Variants in TBC1D32 observed in about 807,000 individuals in gnomAD.
The protein encoded by TBC1D32 is protein broad-minded.
A neutral mutation model predicts 170.3 loss-of-function variants in TBC1D32; 151 were observed. That is an observed-to-expected ratio of 0.89 (90% CI 0.78 to 1.01). The LOEUF is 1.01. Ranked by LOEUF, TBC1D32 falls within the 50% of genes least tolerant of loss-of-function variation. The pLI, the probability that TBC1D32 is intolerant of heterozygous loss-of-function variation, is 0.00. For missense variants in TBC1D32, 1,464 were observed against 1,457.1 expected, an observed-to-expected ratio of 1.00 and a Z score of -0.08; for synonymous variants, 498 against 488.0, an observed-to-expected ratio of 1.02 and a Z score of -0.27.
intron 31 of TBC1D32, among the ~76,000 whole-genome samples, chr6:121,088,093 G>A (rs1216547369): frequency 6.6e-6 from 1 of 151,698 alleles, no homozygotes; most frequent in Non-Finnish European, 1.5e-5. Context: ...TGGGACTATA[G>A]GTGTGTGCCA....
rs550930727 is a variant in TBC1D32, at chr6:121,238,515, G to A, written c.2364+555C>T. On this transcript the variant is annotated intron_variant, in intron 20 of 31. Transcript: ENST00000398212. ...TTGTCTAAGCTACCATACAATCAAA[G>A]TTAGGAATCGTCACTTTATTTTAGT... Among the ~76,000 whole-genome samples the A allele has an allele frequency of 2.6e-5, 4 of 152,208 alleles. No homozygotes were observed. The East Asian group carries it at 7.7e-4, about 29-fold the overall frequency.
In TBC1D32 at chr6:121,300,577, A is replaced by AT. The variant is rs1371263728; in HGVS notation, c.1081-1073dup. 2.0e-5 allele frequency among the ~76,000 whole-genome samples: 3 copies of AT among 152,340 alleles called. No homozygotes were observed. In the East Asian group the frequency reaches 5.8e-4, roughly 29 times the overall value. ...AGACTTAAACATAAGCTCTAAAACC[A>AT]TAAAAACCCTAGAAGAAAACCTAGG... is the stretch of plus-strand genomic sequence containing the variant. On this transcript the variant is annotated intron_variant, in intron 9 of 31. Transcript: ENST00000398212.
chr6:121,239,832 G>C (rs1395227947), intron 19 of TBC1D32, among the ~76,000 whole-genome samples: 1 of 152,062 alleles, frequency 6.6e-6, no homozygotes, highest in Admixed American at 6.6e-5. Context: ...ATGTGGAAAA[G>C]TGTCAAACAC....
At chr6:121,246,577 T>C (rs1380839242) in intron 17 of TBC1D32, among the ~76,000 whole-genome samples, 1 of 151,786 alleles carries the variant, frequency 6.6e-6, no homozygotes, top group Non-Finnish European at 1.5e-5. Flanking sequence ...AGGTTGACTA[T>C]TAAGCTACTC....
intron 22 of TBC1D32, among the ~76,000 whole-genome samples, chr6:121,186,338 T>C (rs879518664): frequency 4.6e-5 from 7 of 152,004 alleles, no homozygotes; most frequent in Non-Finnish European, 7.4e-5. Flanking sequence ...AGTACTGCCA[T>C]ATCTAGTGGT....
intron 21 of TBC1D32, among the ~76,000 whole-genome samples, chr6:121,213,570 C>G (rs1488540889): frequency 1.4e-5 from 2 of 138,990 alleles, no homozygotes; most frequent in Non-Finnish European, 3.2e-5. Context: ...AAATAAAATA[C>G]CTAGGAATAC....
chr6:121,182,881 AT>A (rs1452890929), intron 22 of TBC1D32, among the ~76,000 whole-genome samples: 1 of 152,120 alleles, frequency 6.6e-6, no homozygotes, highest in Non-Finnish European at 1.5e-5. Context: ...TTAAATCCAA[AT>A]TAACAGGTAA....
In TBC1D32 at chr6:121,223,383, A is replaced by G. The variant is rs769141123; in HGVS notation, c.2365-31T>C. 9 of 1,454,864 alleles carry G rather than the reference A, an allele frequency of 6.2e-6. No individual in the cohort carries two copies. The Middle Eastern group carries it at 1.4e-3, about 224-fold the overall frequency. The allele number at this position is 1,454,864 out of a possible 1,614,324, so 90.1% of individuals were successfully genotyped here. A position where few individuals can be genotyped will look rare whatever the true frequency, so the allele number is the denominator to read the frequency against. On this transcript the variant is annotated intron_variant, in intron 20 of 31. Coordinates refer to ENST00000398212, the MANE Select transcript of TBC1D32 (RefSeq NM_152730.6). ...GGGAAAGAAAACAGTCATTTAAATG[A>G]TTCACTTTTGTCAACCACATCCATG...
intron 5 of TBC1D32, among the ~76,000 whole-genome samples, chr6:121,305,853 C>A (rs1807248362): frequency 6.6e-6 from 1 of 152,038 alleles, no homozygotes; most frequent in Non-Finnish European, 1.5e-5. Context: ...TTGTTTTCTA[C>A]TTCAAAATGA....
Position 121,256,084 on chromosome 6 carries a change from C to G in TBC1D32, c.1935G>C (p.Lys645Asn), listed in dbSNP as rs778788123. The G allele has an allele frequency of 4.4e-6, 7 of 1,604,468 alleles. No homozygotes were observed. Among genetic ancestry groups the G allele is most frequent in the Non-Finnish European group, 5.1e-6 (6 of 1,177,750 alleles). ...LHESIAKAWKKTSLLSERIPT... is the reference protein window; with the variant it reads ...LHESIAKAWKNTSLLSERIPT... ...AAAAACGAAGCTTGAAAATACTTAC[C>G]TTTTTCCATGCCTTTGCTATAGATT... is the stretch of plus-strand genomic sequence containing the variant. Residue 645 changes from lysine (K) to asparagine (N), a missense_variant and splice_region_variant, in exon 16 of 32, where the codon AAG (lysine) becomes AAC (asparagine). Lys to Asn is a moderately conservative substitution (Grantham distance 94). Around this residue, in one of 3 missense-constraint regions of TBC1D32, gnomAD observed 1,363 missense variants for 1,338.1 expected, o/e 1.02. Coordinates refer to ENST00000398212, the MANE Select transcript of TBC1D32 (RefSeq NM_152730.6).
chr6:121,169,532 A>T (rs544656884), intron 22 of TBC1D32, among the ~76,000 whole-genome samples: 6 of 152,312 alleles, frequency 3.9e-5, no homozygotes, highest in Admixed American at 1.3e-4. Context: ...TTCCTTGATA[A>T]ATTTTACTGC....
Position 121,189,508 on chromosome 6 carries a change from ATATGT to A in TBC1D32, c.2570+15562_2570+15566del, listed in dbSNP as rs1006103308. On this transcript the variant is annotated intron_variant, in intron 22 of 31. Coordinates refer to ENST00000398212, the MANE Select transcript of TBC1D32 (RefSeq NM_152730.6). ...TGACCCTATAAACGTTTATATGTTT[ATATGT>A]TATATCTATATATTATAAAATGTAA... 1.7e-3 allele frequency among the ~76,000 whole-genome samples: 254 copies of A among 151,330 alleles called. 2 individuals carry two copies. Among genetic ancestry groups the A allele is most frequent in the African/African-American group, 5.9e-3 (245 of 41,382 alleles).
At chr6:121,176,813 G>C (rs774733470) in intron 22 of TBC1D32, among the ~76,000 whole-genome samples, 1 of 152,164 alleles carries the variant, frequency 6.6e-6, no homozygotes, top group Non-Finnish European at 1.5e-5. Context: ...TGGCCAGGCT[G>C]ATCTCAAACT....
At chr6:121,117,527 C>T (rs1025191638) in intron 26 of TBC1D32, among the ~76,000 whole-genome samples, 1 of 151,924 alleles carries the variant, frequency 6.6e-6, no homozygotes, top group African/African-American at 2.4e-5. Context: ...CATGGTGAAA[C>T]CTGGTCTCTA....
chr6:121,212,448 C>CT (rs1793190087), intron 21 of TBC1D32, among the ~76,000 whole-genome samples: 1 of 127,098 alleles, frequency 7.9e-6, no homozygotes, highest in African/African-American at 3.1e-5. Context: ...AGGTCAATAT[C>CT]TCTTTTTTTT....
intron 20 of TBC1D32, among the ~76,000 whole-genome samples, chr6:121,235,599 A>G (rs1374649288): frequency 6.6e-6 from 1 of 152,206 alleles, no homozygotes; most frequent in Non-Finnish European, 1.5e-5. Context: ...TCTCACTCCT[A>G]TCTTGCCCCT....
chr6:121,144,741 T>C (rs1216572510), intron 24 of TBC1D32, among the ~76,000 whole-genome samples: 1 of 152,094 alleles, frequency 6.6e-6, no homozygotes, highest in African/African-American at 2.4e-5. Context: ...CATCAGCATA[T>C]TGGATAGTAT....
chr6:121,092,400 C>T (rs1776921169), intron 30 of TBC1D32, among the ~76,000 whole-genome samples: 1 of 131,760 alleles, frequency 7.6e-6, no homozygotes, highest in Non-Finnish European at 1.6e-5. Context: ...TACAGATATA[C>T]AAAATTTCCT....
chr6:121,234,009 G>C (rs1796051538), intron 20 of TBC1D32, among the ~76,000 whole-genome samples: 1 of 152,054 alleles, frequency 6.6e-6, no homozygotes, highest in Admixed American at 6.6e-5. Context: ...GGCTGATACT[G>C]TTTTGTTTAA....
Sources: allele counts gnomAD v4.1 joint callset (sites outside exome capture counted in the v4.1 genomes callset), GRCh38; gene constraint gnomAD v4.1.1; regional missense constraint gnomAD v4.1.1; transcripts MANE v1.5; gene names NCBI Gene and HGNC (gene_info 2026-07-23, HGNC 2026-07-21).